The following VWA8 variants were observed in gnomAD, a reference collection of about 807,000 sequenced individuals.
VWA8 encodes the protein von Willebrand factor A domain containing 8.
A neutral mutation model predicts 241.5 loss-of-function variants in VWA8; 221 were observed. That is an observed-to-expected ratio of 0.91 (90% CI 0.82 to 1.02). The LOEUF (loss-of-function observed/expected upper bound fraction) is 1.02. Among genes scored for constraint, VWA8 ranks in the 50% least tolerant of loss-of-function variants. VWA8 has a pLI of 0.00. For missense variants in VWA8, 2,322 were observed against 2,328.7 expected (o/e 1.00, Z 0.06); for synonymous variants, 852 against 827.1 (o/e 1.03, Z -0.52).
intron 2 of VWA8, among the ~76,000 whole-genome samples, chr13:41,923,474 G>A (rs1238441692): frequency 6.6e-6 from 1 of 152,060 alleles, no homozygotes; most frequent in Non-Finnish European, 1.5e-5. Flanking sequence ...CCTCAGCTTT[G>A]TGGGAGAAAT....
intron 20 of VWA8, among the ~76,000 whole-genome samples, chr13:41,769,683 C>A (rs1317885359): frequency 6.6e-6 from 1 of 152,102 alleles, no homozygotes. Flanking sequence ...GATCTAATAC[C>A]TAACTCTGAC....
At chr13:41,947,019 G>A (rs1379790375) in intron 2 of VWA8, among the ~76,000 whole-genome samples, 1 of 152,164 alleles carries the variant, frequency 6.6e-6, no homozygotes, top group Non-Finnish European at 1.5e-5. Flanking sequence ...CAAGAATTTT[G>A]TTAGGTTGGC....
intron 29 of VWA8, 91 bp downstream of exon 29, chr13:41,698,980 T>C (rs534929001): frequency 1.3e-6 from 2 of 1,562,166 alleles, no homozygotes; most frequent in East Asian, 2.3e-5. Flanking sequence ...TTGATCATCA[T>C]GAAAGCACAT....
At chr13:41,700,271 C>T (rs1000667237) in intron 28 of VWA8, among the ~76,000 whole-genome samples, 4 of 151,654 alleles carry the variant, frequency 2.6e-5, no homozygotes. Flanking sequence ...TGCATCATAT[C>T]TATTTATTAT....
At chr13:41,741,083 A>G (rs2045566165) in intron 21 of VWA8, among the ~76,000 whole-genome samples, 2 of 152,176 alleles carry the variant, frequency 1.3e-5, no homozygotes, top group African/African-American at 4.8e-5. Context: ...TCACTATTTT[A>G]CGTACTTAAC....
intron 34 of VWA8, among the ~76,000 whole-genome samples, chr13:41,686,828 G>A (rs1291529053): frequency 6.6e-6 from 1 of 152,054 alleles, no homozygotes; most frequent in Non-Finnish European, 1.5e-5. Context: ...GCCCATAGGG[G>A]CTGCACTCAC....
intron 4 of VWA8, among the ~76,000 whole-genome samples, chr13:41,898,095 C>T (rs897376135): frequency 1.3e-5 from 2 of 152,098 alleles, no homozygotes; most frequent in African/African-American, 2.4e-5. Flanking sequence ...CATTCACAAA[C>T]CCTGAGCTAG....
Position 41,932,565 on chromosome 13 carries a change from C to T in VWA8, c.241+17371G>A, listed in dbSNP as rs556372279. 8.5e-5 allele frequency among the ~76,000 whole-genome samples: 13 copies of T among 152,072 alleles called. 1 individual carries two copies. In the South Asian group the frequency reaches 1.9e-3, roughly 22 times the overall value. On this transcript the variant is annotated intron_variant, in intron 2 of 44. Transcript: ENST00000379310. ...GTACAAATCCTAAACAAAATGTTCACACACTGAGTCCAATAATATATAAAA... is the reference window on the plus strand; with the variant it reads ...GTACAAATCCTAAACAAAATGTTCATACACTGAGTCCAATAATATATAAAA...
Position 41,571,920 on chromosome 13 carries a change from C to T in VWA8, c.5371-1214G>A, listed in dbSNP as rs9566793. On this transcript the variant is annotated intron_variant, in intron 43 of 44. Transcript: ENST00000379310. ...GAAGTGAGGAGTGTCTCTGCCCGGC[C>T]GCCCATCGTCTGAGATGTGAGGAGC... 5.1e-3 allele frequency among the ~76,000 whole-genome samples: 768 copies of T among 151,974 alleles called. 29 individuals are homozygous for T. The East Asian group carries it at 0.088, about 17-fold the overall frequency.
intron 28 of VWA8, among the ~76,000 whole-genome samples, chr13:41,700,223 C>G (rs2137826238): frequency 6.6e-6 from 1 of 152,128 alleles, no homozygotes; most frequent in Middle Eastern, 3.4e-3. Flanking sequence ...TGGGACTACC[C>G]TGGAAAATCT....
At chr13:41,671,353 G>A (rs941651698) in intron 36 of VWA8, among the ~76,000 whole-genome samples, 13 of 152,018 alleles carry the variant, frequency 8.6e-5, no homozygotes, top group African/African-American at 1.7e-4. Flanking sequence ...CCCAGGGTTC[G>A]TAAGCAAACA....
intron 27 of VWA8, among the ~76,000 whole-genome samples, 183 bp downstream of exon 27, chr13:41,703,120 T>C (rs888434627): frequency 9.8e-5 from 15 of 152,334 alleles, no homozygotes; most frequent in Non-Finnish European, 1.5e-4. Flanking sequence ...ATTAGCTCTT[T>C]AGAAATTCTA....
rs114079020 is a variant in VWA8 at position 41,645,690 on chromosome 13, T to C, written c.4611+25256A>G. ...CCATGAAAGACTTGAGAGAAATGGATACCTTAAAAAAACGAGAATAAATGT... is the reference window on the plus strand; with the variant it reads ...CCATGAAAGACTTGAGAGAAATGGACACCTTAAAAAAACGAGAATAAATGT... On this transcript the variant is annotated intron_variant, in intron 37 of 44. Coordinates refer to ENST00000379310, the MANE Select transcript of VWA8 (RefSeq NM_015058.2). Among the ~76,000 whole-genome samples the C allele has an allele frequency of 5.3e-3, 810 of 152,280 alleles. 5 individuals carry two copies. Among genetic ancestry groups the C allele is most frequent in the African/African-American group, 0.019 (773 of 41,554 alleles).
chr13:41,710,012 G>A (rs2045306561), intron 26 of VWA8, among the ~76,000 whole-genome samples: 1 of 151,966 alleles, frequency 6.6e-6, no homozygotes, highest in Non-Finnish European at 1.5e-5. Context: ...CAGATAATGA[G>A]TCTTCGTCAC....
At chr13:41,688,969 CTAAAA>C (rs1222207521) in intron 34 of VWA8, among the ~76,000 whole-genome samples, 17 of 152,004 alleles carry the variant, frequency 1.1e-4, no homozygotes, top group Non-Finnish European at 1.6e-4. Flanking sequence ...ACACTTGAAC[CTAAAA>C]TAAAAGTTAA....
chr13:41,571,347 G>GTCTCCC lies in VWA8; in HGVS notation c.5371-647_5371-642dup, dbSNP rs1287347265. The stretch of plus-strand genomic sequence containing the variant: ...TCTCCCGTCTCCCTCTCCCTCTCCC[G>GTCTCCC]TCTCCCTCTCCCTCTCCCCGGTCTC... On this transcript the variant is annotated intron_variant, in intron 43 of 44. Coordinates refer to ENST00000379310, the MANE Select transcript of VWA8 (RefSeq NM_015058.2). Among the ~76,000 whole-genome samples the GTCTCCC allele has an allele frequency of 4.5e-3, 473 of 104,466 alleles. 14 individuals are homozygous for GTCTCCC. Among genetic ancestry groups the GTCTCCC allele is most frequent in the South Asian group, 0.013 (41 of 3,106 alleles). 68.5% of individuals were successfully genotyped at this position (104,466 alleles called of 152,430 possible).
In VWA8 at chr13:41,865,819, A is replaced by C; in HGVS notation, c.1348-6T>G. On this transcript the variant is annotated splice_region_variant and splice_polypyrimidine_tract_variant and intron_variant, in intron 11 of 44. Coordinates refer to ENST00000379310, the MANE Select transcript of VWA8 (RefSeq NM_015058.2). ...ATCACTGTTTTTCCACAACCCTACAAATGGAAAAAATTATTCAAGAGGTAA... is the reference window on the plus strand; with the variant it reads ...ATCACTGTTTTTCCACAACCCTACACATGGAAAAAATTATTCAAGAGGTAA... The C allele has an allele frequency of 1.2e-6, 2 of 1,614,132 alleles. No individual in the cohort carries two copies. Among genetic ancestry groups the C allele is most frequent in the South Asian group, 1.1e-5 (1 of 91,086 alleles).
intron 17 of VWA8, among the ~76,000 whole-genome samples, chr13:41,800,593 C>T (rs1869905288): frequency 1.3e-5 from 2 of 150,898 alleles, no homozygotes; most frequent in Non-Finnish European, 2.9e-5. Flanking sequence ...TTGAAACCAT[C>T]CTGGCTAACA....
chr13:41,672,099 G>T (rs2045029792), intron 36 of VWA8, among the ~76,000 whole-genome samples: 1 of 152,136 alleles, frequency 6.6e-6, no homozygotes. Context: ...ACACGCTAAT[G>T]AGTGAGTACT....
Sources: gnomAD v4.1 joint callset for allele counts (sites outside exome capture counted in the v4.1 genomes callset) on GRCh38, gnomAD v4.1.1 for gene constraint, MANE v1.5 for transcripts, NCBI Gene and HGNC (gene_info 2026-07-23, HGNC 2026-07-21) for gene names.